NT5C2: variants seen among roughly 807,000 people sequenced by gnomAD.
NT5C2 encodes 5'-nucleotidase, cytosolic II.
A neutral mutation model predicts 76.1 loss-of-function variants in NT5C2; 58 were observed. That is an observed-to-expected ratio of 0.76 (90% CI 0.62 to 0.95). The LOEUF is 0.95. Among genes scored for constraint, NT5C2 ranks in the 40% least tolerant of loss-of-function variants. NT5C2 has a pLI of 0.00. For synonymous variants in NT5C2, 229 were observed against 237.4 expected (o/e 0.96, Z 0.32); for missense variants, 478 against 690.3 (o/e 0.69, Z 3.45).
chr10:103,097,280 G>T lies in NT5C2; in HGVS notation c.771+11C>A. The T allele has an allele frequency of 6.3e-7, 1 of 1,583,444 alleles. No homozygotes were observed. The highest frequency in any genetic ancestry group is 8.7e-7 in the Non-Finnish European group (1 of 1,155,388). ...CCACTGCATAAATAAATATACACAT[G>T]AAGCACTTACATCTGTATATTTATA... On this transcript the variant is annotated intron_variant, in intron 11 of 18. Coordinates refer to ENST00000404739, the MANE Select transcript of NT5C2 (RefSeq NM_001351169.2).
chr10:103,151,938 A>T (rs1565197260), intron 3 of NT5C2, among the ~76,000 whole-genome samples: 3 of 152,192 alleles, frequency 2.0e-5, no homozygotes, highest in Non-Finnish European at 4.4e-5. Flanking sequence ...AACCTAAAAA[A>T]AAAATCTGCC....
rs751468724 is a variant in NT5C2 at position 103,090,984 on chromosome 10, G to A, written c.1224C>T (p.Ser408=). The A allele has an allele frequency of 8.1e-6, 13 of 1,613,416 alleles. No individual in the cohort carries two copies. The South Asian group carries it at 9.9e-5, about 12-fold the overall frequency. The change falls in exon 17 of 19, where the codon AGC becomes AGT. Residue 408 remains serine (S), a synonymous_variant. Transcript: ENST00000404739. ...TGATGTCTGGACGCTCATTGCTACT[G>A]CTGTCAAGATGCCTAAAGATAAAAG... ...FLAELYKHLD[S]SSNERPDISS...
chr10:103,105,714 A>G lies in NT5C2; in HGVS notation c.381T>C (p.Phe127=). 1 of 1,608,658 alleles carries G rather than the reference A, an allele frequency of 6.2e-7. No individual in the cohort carries two copies. Among genetic ancestry groups the G allele is most frequent in the Non-Finnish European group, 8.5e-7 (1 of 1,175,482 alleles). ...AGGTTCTCTGTACTCACCCCCTTAT[A>G]AAGTTAAATCCATGTGCACAGACCA... ...NLLVCAHGFN[F]IRGPETREQY... is the part of the protein sequence containing the mutation. The change falls in exon 6 of 19, where the codon TTT becomes TTC. Residue 127 remains phenylalanine (F), a synonymous_variant. Transcript: ENST00000404739.
chr10:103,108,795 T>C (rs1192907466), intron 4 of NT5C2, among the ~76,000 whole-genome samples: 2 of 152,144 alleles, frequency 1.3e-5, no homozygotes, highest in African/African-American at 2.4e-5. Context: ...ATTTCTTTTG[T>C]TGTCACAAGG....
chr10:103,135,264 T>C (rs957558789), intron 4 of NT5C2, among the ~76,000 whole-genome samples: 9 of 152,170 alleles, frequency 5.9e-5, no homozygotes, highest in Admixed American at 2.0e-4. Context: ...CCACATGGTG[T>C]AGGAGGGATC....
chr10:103,165,668 C>G, intron 3 of NT5C2, among the ~76,000 whole-genome samples: 1 of 127,380 alleles, frequency 7.9e-6, no homozygotes, highest in Non-Finnish European at 1.7e-5. Context: ...CTCAGCCTCC[C>G]AAGAGAATTT....
chr10:103,153,276 A>G (rs1384233500), intron 3 of NT5C2: 5 of 1,279,342 alleles, frequency 3.9e-6, no homozygotes, highest in Non-Finnish European at 5.1e-6. Flanking sequence ...GAGAAAGAAT[A>G]ATAAAATCAC....
At chr10:103,105,472 G>T in intron 6 of NT5C2, 1 of 566,598 alleles carries the variant, frequency 1.8e-6, no homozygotes, top group Non-Finnish European at 2.9e-6. Flanking sequence ...GATTAGTTTT[G>T]TTGTATGCTG....
At chr10:103,131,292 A>G (rs1271678911) in intron 4 of NT5C2, among the ~76,000 whole-genome samples, 12 of 152,242 alleles carry the variant, frequency 7.9e-5, no homozygotes, top group Admixed American at 7.9e-4. Context: ...ACTGTTTGCC[A>G]GAATAGCCAA....
intron 3 of NT5C2, among the ~76,000 whole-genome samples, chr10:103,152,607 C>T (rs114679780): frequency 0.012 from 1,780 of 152,136 alleles, 33 homozygotes; most frequent in African/African-American, 0.04. Flanking sequence ...AGATTTATGT[C>T]CTATTTTATT....
At chr10:103,146,310 C>T (rs2081470315) in intron 3 of NT5C2, 1 of 985,330 alleles carries the variant, frequency 1.0e-6, no homozygotes, top group African/African-American at 1.7e-5. Flanking sequence ...TGAACTTTAT[C>T]TGTAACTCCT....
intron 3 of NT5C2, among the ~76,000 whole-genome samples, chr10:103,147,234 AT>A (rs1379554783): frequency 1.3e-5 from 2 of 152,192 alleles, no homozygotes; most frequent in Non-Finnish European, 2.9e-5. Context: ...CAATTAATAA[AT>A]TGCAAATTAT....
rs2071345271 is a variant in NT5C2 at position 103,106,613 on chromosome 10, GC to G, written c.268del (p.Ala90LeufsTer21). ...IGYPQELLSF[A>X]YDSTFPTRGL... ...CCTGGTAGGGAATGTAGAATCATAA[GC>G]AAAGCTGAGCAACTCCTGGGGATAG... On this transcript the variant is annotated frameshift_variant, in exon 5 of 19. Transcript: ENST00000404739. LOFTEE classifies it high-confidence loss of function. The G allele has an allele frequency of 6.2e-7, 1 of 1,611,880 alleles. No homozygotes were observed. The highest frequency in any genetic ancestry group is 1.3e-5 in the African/African-American group (1 of 74,874).
intron 4 of NT5C2, among the ~76,000 whole-genome samples, chr10:103,128,948 G>A (rs1431005954): frequency 6.6e-5 from 7 of 106,830 alleles, no homozygotes; most frequent in East Asian, 7.4e-4. Context: ...ATCTCCGCCC[G>A]GCAGCCACCC....
At chr10:103,182,572 T>C (rs997500650) in intron 1 of NT5C2, among the ~76,000 whole-genome samples, 29 of 151,836 alleles carry the variant, frequency 1.9e-4, no homozygotes, top group African/African-American at 7.0e-4. Context: ...GAGGCAGAGC[T>C]TGCAGTGAGC....
chr10:103,090,284 C>A, intron 18 of NT5C2: 1 of 351,986 alleles, frequency 2.8e-6, no homozygotes, highest in Non-Finnish European at 5.1e-6. Flanking sequence ...GTGGAGCAAT[C>A]ACAGCCCACT....
chr10:103,123,754 T>G (rs2076149841), intron 4 of NT5C2, among the ~76,000 whole-genome samples: 1 of 151,934 alleles, frequency 6.6e-6, no homozygotes, highest in Non-Finnish European at 1.5e-5. Context: ...GAATCTAAAG[T>G]GCTGGAGCTG....
chr10:103,189,478 C>T (rs1165526935), intron 1 of NT5C2, among the ~76,000 whole-genome samples: 4 of 151,446 alleles, frequency 2.6e-5, no homozygotes, highest in Non-Finnish European at 4.4e-5. Flanking sequence ...TGGTGGCACA[C>T]GCCTTTAGTC....
intron 3 of NT5C2, among the ~76,000 whole-genome samples, chr10:103,170,147 A>C (rs2087518004): frequency 2.0e-5 from 3 of 152,068 alleles, no homozygotes; most frequent in Admixed American, 2.0e-4. Context: ...AATTAATTTA[A>C]AAAAATAATA....
Sources: allele counts gnomAD v4.1 joint callset (sites outside exome capture counted in the v4.1 genomes callset), GRCh38; gene constraint gnomAD v4.1.1; transcripts MANE v1.5; gene names NCBI Gene and HGNC (gene_info 2026-07-23, HGNC 2026-07-21).